Variants in ITPRID1 observed in about 807,000 individuals in gnomAD.
ITPRID1 encodes protein ITPRID1.
ITPRID1 carries 96 observed loss-of-function variants against 95.4 expected under a neutral mutation model. The ratio of observed to expected loss-of-function variants is 1.01; its 90% CI spans 0.85 to 1.19. The LOEUF is 1.19. Ranked by LOEUF, ITPRID1 falls within the 50% of genes most tolerant of loss-of-function variation. ITPRID1 has a pLI of 0.00. For missense variants in ITPRID1, 1,339 were observed against 1,252.9 expected (o/e 1.07, Z -1.04); for synonymous variants, 510 against 453.6 (o/e 1.12, Z -1.58).
At chr7:31,607,240 G>A (rs1423991942) in intron 10 of ITPRID1, among the ~76,000 whole-genome samples, 6 of 152,128 alleles carry the variant, frequency 3.9e-5, no homozygotes, top group Non-Finnish European at 8.8e-5. Context: ...GGATATCTTA[G>A]CAAAATTAAT....
At chr7:31,569,388 T>TTCTGTAGACATCTTTTTTC (rs1313845351) in intron 5 of ITPRID1, among the ~76,000 whole-genome samples, 7 of 152,202 alleles carry the variant, frequency 4.6e-5, no homozygotes, top group Non-Finnish European at 7.3e-5. Context: ...GCTTTGCACT[T>TTCTGTAGACATCTTTTTTC]TCTGTAGACA....
intron 10 of ITPRID1, among the ~76,000 whole-genome samples, chr7:31,593,884 A>C (rs1785965907): frequency 6.6e-6 from 1 of 152,216 alleles, no homozygotes; most frequent in Non-Finnish European, 1.5e-5. Context: ...AATGAGGAAT[A>C]ATTTAATATG....
At chr7:31,638,864 C>T (rs2128205545) in intron 10 of ITPRID1, among the ~76,000 whole-genome samples, 1 of 152,276 alleles carries the variant, frequency 6.6e-6, no homozygotes, top group South Asian at 2.1e-4. Context: ...ACAACCTCCA[C>T]CTCCCAGGTT....
chr7:31,626,003 A>G (rs534652439), intron 10 of ITPRID1, among the ~76,000 whole-genome samples: 1 of 152,342 alleles, frequency 6.6e-6, no homozygotes, highest in Non-Finnish European at 1.5e-5. Flanking sequence ...GACTTTTAAA[A>G]AAACTTTATG....
intron 10 of ITPRID1, among the ~76,000 whole-genome samples, chr7:31,620,947 C>G (rs1477694759): frequency 6.6e-6 from 1 of 151,790 alleles, no homozygotes; most frequent in Non-Finnish European, 1.5e-5. Flanking sequence ...GGCTCAAGAA[C>G]TATGTGAAGA....
chr7:31,561,019 A>G (rs189594834), intron 5 of ITPRID1, among the ~76,000 whole-genome samples: 3 of 152,284 alleles, frequency 2.0e-5, no homozygotes, highest in African/African-American at 7.2e-5. Context: ...GTCTGAAGGC[A>G]AGTGAAATCA....
At chr7:31,586,614 GT>G (rs928414443) in intron 10 of ITPRID1, among the ~76,000 whole-genome samples, 1 of 151,996 alleles carries the variant, frequency 6.6e-6, no homozygotes, top group African/African-American at 2.4e-5. Flanking sequence ...TTTTTCATGT[GT>G]TTTTTGGCTG....
intron 10 of ITPRID1, among the ~76,000 whole-genome samples, chr7:31,633,489 A>C (rs1789205891): frequency 6.6e-6 from 1 of 152,178 alleles, no homozygotes; most frequent in Admixed American, 6.5e-5. Context: ...GAACATAGAG[A>C]GGTTTTGTTT....
rs181311235 is a variant in ITPRID1, at chr7:31,545,684, G to T, written c.-97-3742G>T. 9.9e-5 allele frequency among the ~76,000 whole-genome samples: 15 copies of T among 152,190 alleles called. No homozygotes were observed. In the East Asian group the frequency reaches 2.5e-3, roughly 25 times the overall value. The stretch of plus-strand genomic sequence containing the variant: ...CACAACTGCCTTGTCTTTATATCCA[G>T]CCTGCTCCTAAATGGCAGGAGTGAG... On this transcript the variant is annotated intron_variant, in intron 1 of 14. Coordinates refer to ENST00000615280, the MANE Select transcript of ITPRID1 (RefSeq NM_001257967.3).
intron 1 of ITPRID1, among the ~76,000 whole-genome samples, chr7:31,534,463 T>G (rs889945833): frequency 6.6e-6 from 1 of 152,214 alleles, no homozygotes; most frequent in Non-Finnish European, 1.5e-5. Flanking sequence ...GTATTTTCAT[T>G]TAAGATTGAG....
chr7:31,547,710 T>G (rs1292432816), intron 1 of ITPRID1, among the ~76,000 whole-genome samples: 1 of 152,056 alleles, frequency 6.6e-6, no homozygotes, highest in South Asian at 2.1e-4. Flanking sequence ...GACTCATAAG[T>G]CCTTGGCATA....
In ITPRID1 at chr7:31,549,084, C is replaced by T. The variant is rs114394628; in HGVS notation, c.-97-342C>T. ...AGATCCATTTGGATGCAGAATGCCT[C>T]GGGCTGTTCTCCCATTATGCAGTTC... is the stretch of plus-strand genomic sequence containing the variant. On this transcript the variant is annotated intron_variant, in intron 1 of 14. Transcript: ENST00000615280. Among the ~76,000 whole-genome samples the T allele has an allele frequency of 3.6e-3, 553 of 152,158 alleles. 4 individuals carry two copies. The highest frequency in any genetic ancestry group is 0.013 in the African/African-American group (524 of 41,508).
intron 10 of ITPRID1, among the ~76,000 whole-genome samples, chr7:31,598,398 CTTTTTTTTTTTT>C (rs869161999): frequency 5.6e-5 from 6 of 106,832 alleles, no homozygotes; most frequent in African/African-American, 1.5e-4. Flanking sequence ...TTTTTTTTTT[CTTTTTTTTTTTT>C]TTTTTTTTTT....
chr7:31,609,540 C>A (rs1481140395), intron 10 of ITPRID1, among the ~76,000 whole-genome samples: 1 of 151,502 alleles, frequency 6.6e-6, no homozygotes, highest in Non-Finnish European at 1.5e-5. Flanking sequence ...ATACCTTATA[C>A]CTTTCTAGAA....
At chr7:31,581,104 T>C (rs971786142) in intron 9 of ITPRID1, among the ~76,000 whole-genome samples, 3 of 152,168 alleles carry the variant, frequency 2.0e-5, no homozygotes, top group Non-Finnish European at 2.9e-5. Flanking sequence ...AATCCAATTA[T>C]AAGAAATGAA....
In ITPRID1 at chr7:31,643,218, C is replaced by T. The variant is rs1299537014; in HGVS notation, c.1848C>T (p.Ala616=). The T allele has an allele frequency of 6.2e-7, 1 of 1,613,876 alleles. No homozygotes were observed. Among genetic ancestry groups the T allele is most frequent in the East Asian group, 2.2e-5 (1 of 44,874 alleles). ...AGTTCCTTCATGTTGACTCTGAGGC[C>T]CCACGAGAAGAGGAAAGCAGTGGAT... ...QDKFLHVDSE[A]PREEESSGFC... is the part of the protein sequence containing the mutation. The change falls in exon 12 of 15, where the codon GCC becomes GCT. Residue 616 remains alanine (A), a synonymous_variant. Transcript: ENST00000615280.
At chr7:31,623,871 C>T (rs956954490) in intron 10 of ITPRID1, among the ~76,000 whole-genome samples, 2 of 151,968 alleles carry the variant, frequency 1.3e-5, no homozygotes, top group South Asian at 2.1e-4. Flanking sequence ...TGTAGAAAAC[C>T]CCATTGTCTC....
chr7:31,614,635 T>C (rs1252233166), intron 10 of ITPRID1, among the ~76,000 whole-genome samples: 2 of 152,196 alleles, frequency 1.3e-5, no homozygotes, highest in Non-Finnish European at 2.9e-5. Context: ...ATGGAATTAA[T>C]TGATTAACTG....
rs755274638 is a variant in ITPRID1 at position 31,642,280 on chromosome 7, C to A, written c.1311+22C>A. On this transcript the variant is annotated intron_variant, in intron 11 of 14. Coordinates refer to ENST00000615280, the MANE Select transcript of ITPRID1 (RefSeq NM_001257967.3). ...CCAGGTAGGAGGGTTTGGAACAGGG[C>A]CCTGTTGCTCATCCCTAACATCCCA... 13 of 1,491,480 alleles carry A rather than the reference C, an allele frequency of 8.7e-6. No homozygotes were observed. In the East Asian group the frequency reaches 2.7e-4, roughly 31 times the overall value. 92.4% of individuals were successfully genotyped at this position (1,491,480 alleles called of 1,614,324 possible). A position where few individuals can be genotyped will look rare whatever the true frequency, so the allele number is the denominator to read the frequency against.
Sources: gnomAD v4.1 joint callset for allele counts (sites outside exome capture counted in the v4.1 genomes callset) on GRCh38, gnomAD v4.1.1 for gene constraint, MANE v1.5 for transcripts, NCBI Gene and HGNC (gene_info 2026-07-23, HGNC 2026-07-21) for gene names.